The following TRIM9 variants were observed in gnomAD, a reference collection of about 807,000 sequenced individuals.
The protein encoded by TRIM9 is E3 ubiquitin-protein ligase TRIM9.
In TRIM9, 26 loss-of-function variants were observed where a neutral mutation model predicts 78.3. The observed-to-expected ratio is 0.33, with a 90% CI of 0.24 to 0.46. The LOEUF (loss-of-function observed/expected upper bound fraction) is 0.46, where lower values mean the gene tolerates loss of function less well. Among genes scored for constraint, TRIM9 ranks in the 20% least tolerant of loss-of-function variants. The probability of loss-of-function intolerance (pLI) is 1.00; values close to 1 mark genes in which losing one functional copy is unlikely to be tolerated. For synonymous variants in TRIM9, 398 were observed against 416.5 expected (o/e 0.96, Z 0.54); for missense variants, 787 against 1,036.4 (o/e 0.76, Z 3.30).
At chr14:51,011,676 A>G (rs1168712434) in intron 3 of TRIM9, among the ~76,000 whole-genome samples, 1 of 152,230 alleles carries the variant, frequency 6.6e-6, no homozygotes, top group Non-Finnish European at 1.5e-5. Context: ...TTTTGGTTAT[A>G]AATTTATTTT....
At chr14:51,008,654 C>T (rs1296045711) in intron 5 of TRIM9, among the ~76,000 whole-genome samples, 1 of 152,224 alleles carries the variant, frequency 6.6e-6, no homozygotes, top group African/African-American at 2.4e-5. Context: ...CTGTGATCCT[C>T]TCAAATTCCC....
At chr14:51,071,266 C>T (rs1050090376) in intron 1 of TRIM9, among the ~76,000 whole-genome samples, 2 of 151,474 alleles carry the variant, frequency 1.3e-5, no homozygotes, top group Non-Finnish European at 2.9e-5. Flanking sequence ...ATCCCAGCTA[C>T]TCTGGAGGCT....
Position 50,997,993 on chromosome 14 carries a change from A to G in TRIM9, c.1603+57T>C, listed in dbSNP as rs1596130463. 5 of 1,609,592 alleles carry G rather than the reference A, an allele frequency of 3.1e-6. No homozygotes were observed. The East Asian group carries it at 1.1e-4, about 36-fold the overall frequency. On this transcript the variant is annotated intron_variant, in intron 7 of 12. Coordinates refer to ENST00000684578, the MANE Select transcript of TRIM9 (RefSeq NM_001387360.1). ...TGGTGGGGTTACCTCCGGGCTTGCCAGCCACTTTAGATGCCACGCAGTTCT... is the reference window on the plus strand; with the variant it reads ...TGGTGGGGTTACCTCCGGGCTTGCCGGCCACTTTAGATGCCACGCAGTTCT...
intron 1 of TRIM9, among the ~76,000 whole-genome samples, chr14:51,042,601 A>G (rs986775729): frequency 2.6e-5 from 4 of 152,212 alleles, no homozygotes; most frequent in Non-Finnish European, 4.4e-5. Context: ...CATTAATTTT[A>G]CCCTGATGTT....
chr14:51,054,228 T>C (rs999565534), intron 1 of TRIM9, among the ~76,000 whole-genome samples: 2 of 152,072 alleles, frequency 1.3e-5, no homozygotes, highest in Admixed American at 6.6e-5. Context: ...CGCCCAACCA[T>C]TGACATCATT....
intron 1 of TRIM9, among the ~76,000 whole-genome samples, chr14:51,058,307 G>A (rs1281259838): frequency 6.6e-6 from 1 of 152,176 alleles, no homozygotes; most frequent in African/African-American, 2.4e-5. Flanking sequence ...CAGGTGATGT[G>A]AGGCTCACAT....
rs1209219205 is a variant in TRIM9, at chr14:50,976,879, C to G, written c.*412G>C. On this transcript the variant is annotated 3_prime_UTR_variant, in exon 13 of 13. Coordinates refer to ENST00000684578, the MANE Select transcript of TRIM9 (RefSeq NM_001387360.1). ...CTCCCCCTACAACCTCATTGTTTGA[C>G]AGAAAGCTTAAGAAAAAAAGTTAGC... 3 of 154,460 alleles carry G rather than the reference C, an allele frequency of 1.9e-5. No individual in the cohort carries two copies. The highest frequency in any genetic ancestry group is 2.9e-5 in the Non-Finnish European group (2 of 69,336). 9.6% of individuals were successfully genotyped at this position (154,460 alleles called of 1,614,324 possible). A position where few individuals can be genotyped will look rare whatever the true frequency, so the allele number is the denominator to read the frequency against.
intron 1 of TRIM9, among the ~76,000 whole-genome samples, chr14:51,049,405 C>T (rs2060211097): frequency 6.6e-6 from 1 of 152,206 alleles, no homozygotes; most frequent in Admixed American, 6.5e-5. Context: ...CTAATCCTTT[C>T]AGGCACATCT....
chr14:51,016,014 A>G (rs553627329), intron 3 of TRIM9, among the ~76,000 whole-genome samples: 6 of 152,290 alleles, frequency 3.9e-5, no homozygotes, highest in African/African-American at 1.4e-4. Flanking sequence ...GGTCCGGTAC[A>G]GTTGTCTCCT....
chr14:50,996,641 G>C (rs562617746), intron 7 of TRIM9: 3 of 985,268 alleles, frequency 3.0e-6, no homozygotes, highest in African/African-American at 3.5e-5. Flanking sequence ...GGCCTTCTGC[G>C]TTGCATCTAG....
chr14:51,088,317 A>T (rs2063962491), intron 1 of TRIM9, among the ~76,000 whole-genome samples: 1 of 152,230 alleles, frequency 6.6e-6, no homozygotes, highest in South Asian at 2.1e-4. Flanking sequence ...TGCTACATTG[A>T]ATCAAGTGGC....
At chr14:51,008,869 A>C (rs2056195189) in intron 5 of TRIM9, among the ~76,000 whole-genome samples, 1 of 152,186 alleles carries the variant, frequency 6.6e-6, no homozygotes, top group African/African-American at 2.4e-5. Flanking sequence ...TGAAATCTCT[A>C]AGACTCTCAA....
At chr14:51,016,744 C>T (rs2057250055) in intron 3 of TRIM9, among the ~76,000 whole-genome samples, 1 of 152,038 alleles carries the variant, frequency 6.6e-6, no homozygotes, top group South Asian at 2.1e-4. Flanking sequence ...AACTGTCTTC[C>T]ATGAAACTGC....
At chr14:51,005,723 A>C (rs1157133388) in intron 5 of TRIM9, among the ~76,000 whole-genome samples, 8 of 152,230 alleles carry the variant, frequency 5.3e-5, no homozygotes, top group Non-Finnish European at 1.2e-4. Flanking sequence ...ATAAAAGAAA[A>C]GTCTGAAAGA....
intron 3 of TRIM9, among the ~76,000 whole-genome samples, chr14:51,020,195 T>C (rs968270703): frequency 6.6e-6 from 1 of 152,036 alleles, no homozygotes; most frequent in Non-Finnish European, 1.5e-5. Context: ...GCAAGTGATG[T>C]CTATAAAAGG....
intron 1 of TRIM9, among the ~76,000 whole-genome samples, chr14:51,053,609 T>TA (rs1491463257): frequency 3.6e-4 from 49 of 136,930 alleles, no homozygotes; most frequent in Non-Finnish European, 6.7e-4. Flanking sequence ...TTTTTTTTTT[T>TA]ATTATACTCT....
chr14:51,065,836 G>A (rs1157438833), intron 1 of TRIM9, among the ~76,000 whole-genome samples: 1 of 151,936 alleles, frequency 6.6e-6, no homozygotes, highest in Non-Finnish European at 1.5e-5. Context: ...AAAACATAAG[G>A]CCCACTTGAA....
rs140463293 is a variant in TRIM9 at position 51,059,083 on chromosome 14, C to G, written c.823-33723G>C. Among the ~76,000 whole-genome samples the G allele has an allele frequency of 2.2e-3, 328 of 152,296 alleles. 2 individuals are homozygous for G. The highest frequency in any genetic ancestry group is 7.5e-3 in the African/African-American group (311 of 41,562). On this transcript the variant is annotated intron_variant, in intron 1 of 12. Coordinates refer to ENST00000684578, the MANE Select transcript of TRIM9 (RefSeq NM_001387360.1). The stretch of plus-strand genomic sequence containing the variant: ...CTTAGTCTGCCAGGCCTATGACCAA[C>G]CCCAATATCAGCACGAGCTTCCCTG...
At chr14:51,045,529 G>T (rs1245475314) in intron 1 of TRIM9, among the ~76,000 whole-genome samples, 1 of 152,176 alleles carries the variant, frequency 6.6e-6, no homozygotes, top group Non-Finnish European at 1.5e-5. Context: ...ACTGGTGTGG[G>T]TTACCTGGAA....
Sources: allele counts gnomAD v4.1 joint callset (sites outside exome capture counted in the v4.1 genomes callset), GRCh38; gene constraint gnomAD v4.1.1; transcripts MANE v1.5; gene names NCBI Gene and HGNC (gene_info 2026-07-23, HGNC 2026-07-21).